VWF: variants seen among roughly 807,000 people sequenced by gnomAD.
VWF encodes the protein von Willebrand factor.
VWF carries 176 observed loss-of-function variants against 308.6 expected under a neutral mutation model. That is an observed-to-expected ratio of 0.57 (90% CI 0.50 to 0.65). VWF has a LOEUF of 0.65. Among genes scored for constraint, VWF ranks in the 30% least tolerant of loss-of-function variants. The probability of loss-of-function intolerance (pLI) is 0.00; values close to 1 mark genes in which losing one functional copy is unlikely to be tolerated. For missense variants in VWF, 3,146 were observed against 3,648.2 expected (o/e 0.86, Z 3.55); for synonymous variants, 1,385 against 1,443.4 (o/e 0.96, Z 0.92).
chr12:6,105,479 C>T lies in VWF; in HGVS notation c.532+4895G>A, dbSNP rs573056880. On this transcript the variant is annotated intron_variant, in intron 5 of 51. Transcript: ENST00000261405. Reference sequence around the variant, plus strand: ...CTGACCTCAAATGATCCATCCACCTCGGCCTCCTGAAGTGCTGGGATTACA... The same window carrying T: ...CTGACCTCAAATGATCCATCCACCTTGGCCTCCTGAAGTGCTGGGATTACA... Among the ~76,000 whole-genome samples, 28 of 152,286 alleles carry T rather than the reference C, an allele frequency of 1.8e-4. No homozygotes were observed. The South Asian group carries it at 5.6e-3, about 30-fold the overall frequency.
chr12:5,996,581 C>T (rs1943810656), intron 34 of VWF, among the ~76,000 whole-genome samples: 1 of 151,964 alleles, frequency 6.6e-6, no homozygotes, highest in Non-Finnish European at 1.5e-5. Context: ...TGTTATGACT[C>T]GTGGAAATTA....
At chr12:6,105,756 G>A (rs1036545109) in intron 5 of VWF, among the ~76,000 whole-genome samples, 2 of 152,074 alleles carry the variant, frequency 1.3e-5, no homozygotes, top group Non-Finnish European at 2.9e-5. Context: ...AAAGAATTGA[G>A]CCGGACGCGG....
intron 42 of VWF, among the ~76,000 whole-genome samples, chr12:5,977,238 C>T (rs1943542700): frequency 6.6e-6 from 1 of 152,158 alleles, no homozygotes; most frequent in Non-Finnish European, 1.5e-5. Context: ...AGGAATCTAT[C>T]CCAAAGACAC....
intron 15 of VWF, 76 bp downstream of exon 15, chr12:6,056,781 A>G: frequency 8.1e-7 from 1 of 1,230,870 alleles, no homozygotes; most frequent in South Asian, 2.3e-5. Flanking sequence ...AACAACGCAG[A>G]GAAAGGGCTT....
chr12:5,992,061 C>T, intron 37 of VWF, 43 bp from the exon 38 acceptor site: 1 of 1,583,594 alleles, frequency 6.3e-7, no homozygotes, highest in Non-Finnish European at 8.7e-7. Context: ...CCCACACCAG[C>T]CAGAGTGAAA....
intron 3 of VWF, among the ~76,000 whole-genome samples, chr12:6,114,065 C>T (rs1200784580): frequency 1.3e-5 from 2 of 152,216 alleles, no homozygotes; most frequent in African/African-American, 4.8e-5. Context: ...GGAGTTCTGC[C>T]TCGGCTTCAC....
intron 47 of VWF, 41 bp downstream of exon 47, chr12:5,967,445 C>T (rs751768351): frequency 3.3e-5 from 51 of 1,564,428 alleles, no homozygotes; most frequent in African/African-American, 8.1e-5. Context: ...GTCCCACACG[C>T]GTCCAGTCCA....
chr12:6,038,219 G>A (rs1251342201), intron 18 of VWF, among the ~76,000 whole-genome samples: 3 of 152,198 alleles, frequency 2.0e-5, no homozygotes, highest in Non-Finnish European at 4.4e-5. Flanking sequence ...ACATCGCCCC[G>A]TCCAGTGTCA....
At chr12:5,993,111 C>G (rs1248937091) in intron 37 of VWF, among the ~76,000 whole-genome samples, 4 of 152,180 alleles carry the variant, frequency 2.6e-5, no homozygotes, top group Non-Finnish European at 5.9e-5. Context: ...GAGCTGCTGA[C>G]AGTTCCATGA....
chr12:5,964,022 A>C (rs112762180), intron 47 of VWF, among the ~76,000 whole-genome samples: 4,008 of 152,122 alleles, frequency 0.026, 84 homozygotes, highest in African/African-American at 0.049. Flanking sequence ...TCTGGTTAAC[A>C]CGGTGAAACC....
chr12:6,063,203 T>C lies in VWF; in HGVS notation c.1433-149A>G, dbSNP rs1385047642. On this transcript the variant is annotated intron_variant, in intron 12 of 51. Coordinates refer to ENST00000261405, the MANE Select transcript of VWF (RefSeq NM_000552.5). The surrounding 1 kb of genome is among the most constrained non-coding windows in gnomAD (Gnocchi z 4.9). ...GGGGCAGATGGGGTGGCCATGAGGT[T>C]TAAGGGGGTGTCAGGAGGAAGGGTG... The C allele has an allele frequency of 2.8e-6, 2 of 715,510 alleles. No individual in the cohort carries two copies. Among genetic ancestry groups the C allele is most frequent in the Non-Finnish European group, 4.9e-6 (2 of 406,984 alleles). 44.3% of individuals were successfully genotyped at this position (715,510 alleles called of 1,614,324 possible).
At chr12:5,962,363 GA>G (rs1448349266) in intron 47 of VWF, among the ~76,000 whole-genome samples, 1 of 151,610 alleles carries the variant, frequency 6.6e-6, no homozygotes, top group Non-Finnish European at 1.5e-5. Context: ...AAATTGAAAG[GA>G]CATTAAATAC....
intron 3 of VWF, among the ~76,000 whole-genome samples, chr12:6,117,059 C>T (rs1386349236): frequency 6.6e-6 from 1 of 152,158 alleles, no homozygotes; most frequent in Non-Finnish European, 1.5e-5. Flanking sequence ...CCTGCCACCA[C>T]CACCAACAAG....
chr12:5,981,302 G>A (rs1368037491), intron 42 of VWF, among the ~76,000 whole-genome samples: 1 of 152,192 alleles, frequency 6.6e-6, no homozygotes, highest in Non-Finnish European at 1.5e-5. Flanking sequence ...GCAGAGGTGG[G>A]AGGATCACTT....
chr12:6,040,739 G>C (rs967111725), intron 18 of VWF, among the ~76,000 whole-genome samples: 6 of 152,218 alleles, frequency 3.9e-5, no homozygotes, highest in African/African-American at 1.2e-4. Flanking sequence ...TCCCATGCCA[G>C]GAGACCTTTG....
intron 6 of VWF, among the ~76,000 whole-genome samples, chr12:6,091,164 C>G (rs1945030425): frequency 6.6e-6 from 1 of 152,146 alleles, no homozygotes; most frequent in Admixed American, 6.5e-5. Context: ...TTAGCATCAA[C>G]TCAGAATATT....
intron 6 of VWF, among the ~76,000 whole-genome samples, chr12:6,093,199 G>A (rs769333397): frequency 3.9e-5 from 6 of 151,952 alleles, no homozygotes; most frequent in Non-Finnish European, 7.4e-5. Flanking sequence ...AGAGGGTGTC[G>A]GGGCACAGCG....
intron 6 of VWF, among the ~76,000 whole-genome samples, chr12:6,089,479 C>A (rs952032454): frequency 6.6e-6 from 1 of 152,100 alleles, no homozygotes; most frequent in Non-Finnish European, 1.5e-5. Context: ...GGAGACAAAG[C>A]GAGTAGCTAG....
At chr12:6,094,384 C>T (rs73266855) in intron 6 of VWF, among the ~76,000 whole-genome samples, 9,366 of 152,262 alleles carry the variant, frequency 0.062, 996 homozygotes, top group African/African-American at 0.21. Context: ...TAAGAGGAGG[C>T]TTTCCCTCCT....
Sources: gnomAD v4.1 joint callset for allele counts (sites outside exome capture counted in the v4.1 genomes callset) on GRCh38, gnomAD v4.1.1 for gene constraint, Gnocchi (gnomAD v3.1) non-coding constraint, MANE v1.5 for transcripts, NCBI Gene and HGNC (gene_info 2026-07-23, HGNC 2026-07-21) for gene names.